The following PDCL2 variants were observed in gnomAD, a reference collection of about 807,000 sequenced individuals.
The protein encoded by PDCL2 is phosducin-like protein 2.
A neutral mutation model predicts 30.3 loss-of-function variants in PDCL2; 23 were observed. That is an observed-to-expected ratio of 0.76 (90% confidence interval 0.55 to 1.08). The LOEUF is 1.08. Ranked by LOEUF, PDCL2 falls within the 50% of genes least tolerant of loss-of-function variation. The pLI is 0.00. For synonymous variants in PDCL2, 68 were observed against 86.2 expected (o/e 0.79, Z 1.17); for missense variants, 243 against 282.3 (o/e 0.86, Z 1.00).
chr4:55,584,072 A>G (rs1732794852), intron 1 of PDCL2, among the ~76,000 whole-genome samples: 1 of 152,102 alleles, frequency 6.6e-6, no homozygotes, highest in Non-Finnish European at 1.5e-5. Flanking sequence ...TGTCTTCTTC[A>G]ATTTCTTTCA....
chr4:55,558,886 A>T (rs1324422261), intron 5 of PDCL2, among the ~76,000 whole-genome samples: 1 of 152,202 alleles, frequency 6.6e-6, no homozygotes, highest in Non-Finnish European at 1.5e-5. Flanking sequence ...TCATGCACAC[A>T]TACCCACTCT....
Position 55,564,331 on chromosome 4 carries a change from A to C in PDCL2, c.363-1719T>G, listed in dbSNP as rs571124755. On this transcript the variant is annotated intron_variant, in intron 4 of 5. Transcript: ENST00000295645. ...AATATTGCATAACAGATTGTGATGC[A>C]GGGAGAAAGGGTTGCCCGAAGACAG... 2.6e-5 allele frequency among the ~76,000 whole-genome samples: 4 copies of C among 152,302 alleles called. No homozygotes were observed. The East Asian group carries it at 7.7e-4, about 29-fold the overall frequency.
At position 55,557,951 on chromosome 4, in the gene PDCL2, C is replaced by CAA. The variant is rs57872861; in HGVS notation, c.572-1242_572-1241dup. 3.2e-5 allele frequency among the ~76,000 whole-genome samples: 4 copies of CAA among 126,286 alleles called. No individual in the cohort carries two copies. The East Asian group carries it at 9.3e-4, about 29-fold the overall frequency. 82.8% of individuals were successfully genotyped at this position (126,286 alleles called of 152,430 possible). On this transcript the variant is annotated intron_variant, in intron 5 of 5. Coordinates refer to ENST00000295645, the MANE Select transcript of PDCL2 (RefSeq NM_152401.3). ...TGAAACTCCATCTCTACTAAAAATA[C>CAA]AAAAAAAAAAAAAAAAAAAATTAGC...
intron 3 of PDCL2, among the ~76,000 whole-genome samples, chr4:55,577,927 G>C (rs1292098127): frequency 3.3e-5 from 5 of 152,030 alleles, no homozygotes; most frequent in Non-Finnish European, 4.4e-5. Flanking sequence ...CTAGATATTT[G>C]AATCCTATAA....
At chr4:55,562,007 A>G (rs975741151) in intron 5 of PDCL2, among the ~76,000 whole-genome samples, 5 of 152,130 alleles carry the variant, frequency 3.3e-5, no homozygotes, top group African/African-American at 4.8e-5. Context: ...GGATTTGGAT[A>G]ATAGAGAAAG....
At chr4:55,582,396 G>T (rs979795257) in intron 1 of PDCL2, among the ~76,000 whole-genome samples, 159 bp from the exon 2 acceptor site, 9 of 152,096 alleles carry the variant, frequency 5.9e-5, no homozygotes, top group Non-Finnish European at 1.5e-5. Context: ...ACTTTTTCCT[G>T]CTTCCCAGCA....
intron 5 of PDCL2, among the ~76,000 whole-genome samples, chr4:55,557,120 G>A (rs1267885760): frequency 6.6e-6 from 1 of 152,206 alleles, no homozygotes; most frequent in Non-Finnish European, 1.5e-5. Flanking sequence ...TTACAGGCGT[G>A]AGCCACCACG....
chr4:55,558,676 T>C (rs1206860810), intron 5 of PDCL2, among the ~76,000 whole-genome samples: 2 of 152,282 alleles, frequency 1.3e-5, no homozygotes, highest in South Asian at 4.1e-4. Context: ...GAAGAAAGTA[T>C]AGGAGAATAT....
intron 3 of PDCL2, among the ~76,000 whole-genome samples, chr4:55,579,972 AG>A (rs1437182922): frequency 1.3e-5 from 2 of 151,758 alleles, no homozygotes; most frequent in Non-Finnish European, 2.9e-5. Context: ...CTCAGCCTCC[AG>A]AGTAGCTGGG....
intron 4 of PDCL2, 68 bp from the exon 5 acceptor site, chr4:55,562,680 TA>T (rs1213300690): frequency 9.4e-7 from 1 of 1,065,284 alleles, no homozygotes; most frequent in Non-Finnish European, 1.3e-6. Context: ...ATGAAATAAG[TA>T]AAATATCGCC....
rs766350054 is a variant in PDCL2 at position 55,562,415 on chromosome 4, A to G, written c.560T>C (p.Leu187Pro). The change falls in exon 5 of 6, where the codon CTC becomes CCC. Residue 187 changes from leucine to proline, a missense_variant. Transcript: ENST00000295645. ...ATTTGTAACATTACCTTCCAGCTTG[A>G]GATTTATCCCTCCACATTCTATAAT... is the stretch of plus-strand genomic sequence containing the variant. ...IGIIECGGIN[L>P]KLEELEWKLA... 7.1e-6 allele frequency: 10 copies of G among 1,404,074 alleles called. No homozygotes were observed. The highest frequency in any genetic ancestry group is 9.3e-6 in the Non-Finnish European group (10 of 1,071,480). The allele number at this position is 1,404,074 out of a possible 1,614,324, so 87.0% of individuals were successfully genotyped here. A position where few individuals can be genotyped will look rare whatever the true frequency, so the allele number is the denominator to read the frequency against.
Position 55,569,786 on chromosome 4 carries a change from A to G in PDCL2, c.294T>C (p.Asn98=). Reference sequence around the variant, plus strand: ...CATTTGTGACTTCATTCACATACTGATTTCCAGAAATTTCTCTTAATTCTC... The same window carrying G: ...CATTTGTGACTTCATTCACATACTGGTTTCCAGAAATTTCTCTTAATTCTC... ...KFGELREISG[N]QYVNEVTNAE... Residue 98 remains asparagine (N), a synonymous_variant, in exon 4 of 6, where the codon AAT becomes AAC. Transcript: ENST00000295645. 1 of 1,563,380 alleles carries G rather than the reference A, an allele frequency of 6.4e-7. No individual in the cohort carries two copies.
intron 4 of PDCL2, among the ~76,000 whole-genome samples, chr4:55,568,084 T>C (rs1382543750): frequency 6.6e-6 from 1 of 152,216 alleles, no homozygotes; most frequent in African/African-American, 2.4e-5. Flanking sequence ...CAGGGTTATA[T>C]ACAGGGCTAT....
chr4:55,562,456 TTCTA>T lies in PDCL2; in HGVS notation c.515_518del (p.Ile172LysfsTer8). On this transcript the variant is annotated frameshift_variant, in exon 5 of 6. Coordinates refer to ENST00000295645, the MANE Select transcript of PDCL2 (RefSeq NM_152401.3). LOFTEE classifies it high-confidence loss of function. Reference sequence around the variant, plus strand: ...ATTCTATAATTCCAATGAATTTGGCTTCTATCTGACCATTTTTATACACAAAAAT... The same window carrying T: ...ATTCTATAATTCCAATGAATTTGGCTTCTGACCATTTTTATACACAAAAAT... The T allele has an allele frequency of 6.5e-7, 1 of 1,527,894 alleles. No individual in the cohort carries two copies. Among genetic ancestry groups the T allele is most frequent in the Non-Finnish European group, 8.8e-7 (1 of 1,138,282 alleles). The allele number at this position is 1,527,894 out of a possible 1,614,324, so 94.6% of individuals were successfully genotyped here. A position where few individuals can be genotyped will look rare whatever the true frequency, so the allele number is the denominator to read the frequency against.
At chr4:55,559,831 G>A (rs1732077605) in intron 5 of PDCL2, among the ~76,000 whole-genome samples, 1 of 152,154 alleles carries the variant, frequency 6.6e-6, no homozygotes, top group African/African-American at 2.4e-5. Context: ...GCTACCACAT[G>A]GATGAAACTT....
chr4:55,577,983 T>G (rs564889407), intron 3 of PDCL2, among the ~76,000 whole-genome samples: 10 of 152,252 alleles, frequency 6.6e-5, no homozygotes, highest in Middle Eastern at 6.8e-3. Context: ...TGGGGTTTTG[T>G]TTTTGTTTTT....
intron 3 of PDCL2, among the ~76,000 whole-genome samples, chr4:55,576,434 A>G (rs1732569326): frequency 6.6e-6 from 1 of 152,178 alleles, no homozygotes; most frequent in Non-Finnish European, 1.5e-5. Context: ...TGTATGATAT[A>G]AAAGGTAAAT....
chr4:55,579,286 A>C (rs1371110875), intron 3 of PDCL2, among the ~76,000 whole-genome samples: 1 of 152,038 alleles, frequency 6.6e-6, no homozygotes, highest in Non-Finnish European at 1.5e-5. Flanking sequence ...GCTAAGGAGC[A>C]CTAATTCCTG....
At chr4:55,562,693 T>C in intron 4 of PDCL2, 81 bp from the exon 5 acceptor site, 1 of 897,022 alleles carries the variant, frequency 1.1e-6, no homozygotes, top group African/African-American at 1.7e-5. Context: ...AATATCGCCA[T>C]GGCAAAAATA....
Sources: allele counts gnomAD v4.1 joint callset (sites outside exome capture counted in the v4.1 genomes callset), GRCh38; gene constraint gnomAD v4.1.1; transcripts MANE v1.5; gene names NCBI Gene and HGNC (gene_info 2026-07-23, HGNC 2026-07-21).